The following BORCS5 variants were observed in gnomAD, a reference collection of about 807,000 sequenced individuals.
The protein encoded by BORCS5 is BLOC-1-related complex subunit 5.
BORCS5 carries 17 observed loss-of-function variants against 22.1 expected under a neutral mutation model. That is an observed-to-expected ratio of 0.77 (90% confidence interval 0.53 to 1.15). The LOEUF (loss-of-function observed/expected upper bound fraction) is 1.15, where lower values mean the gene tolerates loss of function less well. Ranked by LOEUF, BORCS5 falls within the 50% of genes most tolerant of loss-of-function variation. The probability of loss-of-function intolerance (pLI) is 0.00; values close to 1 mark genes in which losing one functional copy is unlikely to be tolerated. For missense variants in BORCS5, 247 were observed against 253.2 expected (o/e 0.98, Z 0.17); for synonymous variants, 117 against 99.8 (o/e 1.17, Z -1.03).
At chr12:12,439,163 T>G (rs1942627502) in intron 3 of BORCS5, among the ~76,000 whole-genome samples, 1 of 152,216 alleles carries the variant, frequency 6.6e-6, no homozygotes, top group Non-Finnish European at 1.5e-5. Context: ...TGAGGTGCTG[T>G]TAAGAAAATT....
intron 2 of BORCS5, among the ~76,000 whole-genome samples, chr12:12,434,281 CAAAAAAAAA>C (rs139357200): frequency 2.6e-5 from 2 of 76,570 alleles, no homozygotes; most frequent in African/African-American, 1.0e-4. Flanking sequence ...GACTCTGTCT[CAAAAAAAAA>C]AAAAAAAAAA....
rs1943262991 is a variant in BORCS5 at position 12,469,898 on chromosome 12, T to A, written c.*4122T>A. 6.6e-6 allele frequency among the ~76,000 whole-genome samples: 1 copy of A among 152,190 alleles called. No individual in the cohort carries two copies. Among genetic ancestry groups the A allele is most frequent in the Non-Finnish European group, 1.5e-5 (1 of 68,024 alleles). On this transcript the variant is annotated 3_prime_UTR_variant, in exon 4 of 4. Transcript: ENST00000314565. The stretch of plus-strand genomic sequence containing the variant: ...TTTCCCTGACCTTTCGCTTCATTCC[T>A]TTGTTAAGAACTATATAGTGCCTCT...
At chr12:12,433,370 G>A (rs1464863667) in intron 2 of BORCS5, among the ~76,000 whole-genome samples, 2 of 150,642 alleles carry the variant, frequency 1.3e-5, no homozygotes, top group African/African-American at 2.4e-5. Context: ...CGGGTGCAGC[G>A]GCATACTCCT....
chr12:12,383,655 A>G lies in BORCS5; in HGVS notation c.202+22306A>G, dbSNP rs904850973. 5.4e-5 allele frequency among the ~76,000 whole-genome samples: 8 copies of G among 149,512 alleles called. 1 individual carries two copies. The highest frequency in any genetic ancestry group is 4.0e-4 in the Admixed American group (6 of 14,992). On this transcript the variant is annotated intron_variant, in intron 2 of 3. Coordinates refer to ENST00000314565, the MANE Select transcript of BORCS5 (RefSeq NM_058169.6). Reference sequence around the variant, plus strand: ...ATTGAAATGGAATTTTTGGTTGACAATTTTTTTCCCCCAGCACTTTATATA... The same window carrying G: ...ATTGAAATGGAATTTTTGGTTGACAGTTTTTTTCCCCCAGCACTTTATATA...
chr12:12,397,073 T>G (rs1941365825), intron 2 of BORCS5, among the ~76,000 whole-genome samples: 1 of 152,198 alleles, frequency 6.6e-6, no homozygotes, highest in Non-Finnish European at 1.5e-5. Flanking sequence ...TATGGACTTT[T>G]TGGCCTTGTT....
intron 2 of BORCS5, among the ~76,000 whole-genome samples, chr12:12,429,779 A>G (rs1179598255): frequency 6.6e-6 from 1 of 152,160 alleles, no homozygotes; most frequent in Non-Finnish European, 1.5e-5. Flanking sequence ...TGCTTCAGCC[A>G]CCTGGCAGCT....
At chr12:12,449,617 A>C (rs1422297839) in intron 3 of BORCS5, among the ~76,000 whole-genome samples, 1 of 152,230 alleles carries the variant, frequency 6.6e-6, no homozygotes, top group Admixed American at 6.5e-5. Flanking sequence ...TGCCGTTCTG[A>C]TATCGCTTAA....
Position 12,420,574 on chromosome 12 carries a change from C to G in BORCS5, c.203-15054C>G, listed in dbSNP as rs190626724. On this transcript the variant is annotated intron_variant, in intron 2 of 3. Transcript: ENST00000314565. ...AACTTTCAAGTAGTTTTTTCCAATT[C>G]TGTGAAGAAAGTCATTGGTAGCTTA... 7.1e-4 allele frequency among the ~76,000 whole-genome samples: 108 copies of G among 152,236 alleles called. 1 individual carries two copies. The highest frequency in any genetic ancestry group is 1.3e-3 in the Non-Finnish European group (89 of 68,006).
At chr12:12,411,682 A>G (rs541985722) in intron 2 of BORCS5, among the ~76,000 whole-genome samples, 8 of 152,188 alleles carry the variant, frequency 5.3e-5, no homozygotes, top group African/African-American at 1.9e-4. Flanking sequence ...TTGTTGCCCA[A>G]TTCAGTGTCA....
chr12:12,445,841 G>A (rs1304334615), intron 3 of BORCS5, among the ~76,000 whole-genome samples: 3 of 144,540 alleles, frequency 2.1e-5, no homozygotes, highest in African/African-American at 5.2e-5. Context: ...ACAGGGTCTC[G>A]CTAGGTTTCC....
At chr12:12,451,166 C>CTTT (rs201926986) in intron 3 of BORCS5, among the ~76,000 whole-genome samples, 26 of 139,112 alleles carry the variant, frequency 1.9e-4, no homozygotes, top group East Asian at 8.2e-4. Context: ...AGAATTTATT[C>CTTT]TTTTTTTTTT....
At chr12:12,393,131 G>A (rs2136061624) in intron 2 of BORCS5, among the ~76,000 whole-genome samples, 1 of 152,170 alleles carries the variant, frequency 6.6e-6, no homozygotes, top group South Asian at 2.1e-4. Context: ...AGCTACTTGG[G>A]AGGCTGGGGC....
intron 2 of BORCS5, among the ~76,000 whole-genome samples, chr12:12,370,761 T>G (rs924807636): frequency 6.6e-6 from 1 of 152,154 alleles, no homozygotes; most frequent in African/African-American, 2.4e-5. Flanking sequence ...TGTCCTTTTT[T>G]TTTTGGAGAT....
chr12:12,435,744 G>T lies in BORCS5; in HGVS notation c.319G>T (p.Val107Phe). The T allele has an allele frequency of 6.2e-7, 1 of 1,613,844 alleles. No individual in the cohort carries two copies. Among genetic ancestry groups the T allele is most frequent in the Non-Finnish European group, 8.5e-7 (1 of 1,179,872 alleles). The change falls in exon 3 of 4, where the codon GTT becomes TTT. Residue 107 changes from valine to phenylalanine, a missense_variant. Physicochemically the swap from Val to Phe is conservative, Grantham distance 50 (BLOSUM62 -1). Coordinates refer to ENST00000314565, the MANE Select transcript of BORCS5 (RefSeq NM_058169.6). ...TCACCTGCATCAGTGTGCAGAGGCC[G>T]TTGCTTTTGACCAGAATGCTTTGGT... Reference protein sequence around the residue: ...QDHLHQCAEAVAFDQNALVKR... With the variant: ...QDHLHQCAEAFAFDQNALVKR...
At chr12:12,403,401 C>G (rs1941519855) in intron 2 of BORCS5, among the ~76,000 whole-genome samples, 1 of 152,146 alleles carries the variant, frequency 6.6e-6, no homozygotes, top group Non-Finnish European at 1.5e-5. Context: ...GTGGCAATCC[C>G]AGCTGCTCTT....
rs576322412 is a variant in BORCS5 at position 12,375,891 on chromosome 12, G to C, written c.202+14542G>C. Among the ~76,000 whole-genome samples the C allele has an allele frequency of 1.1e-4, 16 of 152,110 alleles. No homozygotes were observed. The South Asian group carries it at 3.3e-3, about 32-fold the overall frequency. On this transcript the variant is annotated intron_variant, in intron 2 of 3. Transcript: ENST00000314565. ...GCAATCTCAGCTCGCTGCAACCTCT[G>C]CCTCCTGGGTTCAAGTGATTCTCCT...
At chr12:12,456,505 G>A (rs200956806) in intron 3 of BORCS5, among the ~76,000 whole-genome samples, 4 of 152,214 alleles carry the variant, frequency 2.6e-5, no homozygotes, top group South Asian at 4.1e-4. Context: ...CTTATTTTAT[G>A]AGGAAAATTT....
rs1863649528 is a variant in BORCS5 at position 12,376,256 on chromosome 12, CAG to C, written c.202+14910_202+14911del. On this transcript the variant is annotated intron_variant, in intron 2 of 3. Coordinates refer to ENST00000314565, the MANE Select transcript of BORCS5 (RefSeq NM_058169.6). ...CAGTCTTTTTTTTTTTTTTTTGAGA[CAG>C]AGTCTCACTCTGTTGCCCAGGCTGG... Among the ~76,000 whole-genome samples the C allele has an allele frequency of 2.8e-5, 4 of 141,534 alleles. 1 individual carries two copies. In the South Asian group the frequency reaches 6.7e-4, roughly 24 times the overall value. The allele number at this position is 141,534 out of a possible 152,430, so 92.9% of individuals were successfully genotyped here. A position where few individuals can be genotyped will look rare whatever the true frequency, so the allele number is the denominator to read the frequency against.
chr12:12,405,139 AC>A (rs1332211908), intron 2 of BORCS5, among the ~76,000 whole-genome samples: 1 of 152,236 alleles, frequency 6.6e-6, no homozygotes, highest in Non-Finnish European at 1.5e-5. Flanking sequence ...CCGAAAGTGA[AC>A]CTTCAACGAA....
Sources: allele counts gnomAD v4.1 joint callset (sites outside exome capture counted in the v4.1 genomes callset), GRCh38; gene constraint gnomAD v4.1.1; transcripts MANE v1.5; gene names NCBI Gene and HGNC (gene_info 2026-07-23, HGNC 2026-07-21).